Variants in CDC20B observed in about 807,000 individuals in gnomAD.
CDC20B encodes the protein cell division cycle 20B, also known as cell division cycle protein 20 homolog B.
Under a neutral mutation model 64.1 loss-of-function variants are expected in CDC20B, and 58 were observed. The observed-to-expected ratio is 0.90, with a 90% CI of 0.73 to 1.13. CDC20B has a LOEUF of 1.13. CDC20B is among the 50% of genes most tolerant of loss of function. The probability of loss-of-function intolerance (pLI) is 0.00; values close to 1 mark genes in which losing one functional copy is unlikely to be tolerated. For missense variants in CDC20B, 597 were observed against 633.0 expected (o/e 0.94, Z 0.61); for synonymous variants, 243 against 230.6 (o/e 1.05, Z -0.49).
chr5:55,150,169 T>A (rs1743622281), intron 2 of CDC20B, among the ~76,000 whole-genome samples: 1 of 152,178 alleles, frequency 6.6e-6, no homozygotes, highest in East Asian at 1.9e-4. Flanking sequence ...TAAAGGTTTT[T>A]TTAAATATGT....
rs774926432 is a variant in CDC20B, at chr5:55,120,544, C to T, written c.1222G>A (p.Asp408Asn). 2.5e-6 allele frequency: 4 copies of T among 1,613,394 alleles called. No homozygotes were observed. In the African/African-American group the frequency reaches 5.3e-5, roughly 22 times the overall value. The change falls in exon 10 of 12, where the codon GAT becomes AAT. Residue 408 changes from aspartate (D) to asparagine (N), a missense_variant. This residue lies in a region of CDC20B where 353 missense variants were observed against 397.0 expected (regional missense o/e 0.89). Coordinates refer to ENST00000381375, the MANE Select transcript of CDC20B (RefSeq NM_001170402.1). ...ACCCCAGACTGCCAGGGACACCAAT[C>T]CATGGCCTTTAAAGTTTCACATAAT... is the stretch of plus-strand genomic sequence containing the variant. ...ITQSTAVKAM[D>N]WCPWQSGVLA...
At chr5:55,137,635 A>G (rs541487190) in intron 5 of CDC20B, 1 of 456,732 alleles carries the variant, frequency 2.2e-6, no homozygotes, top group East Asian at 7.0e-5. Context: ...CACTAAAGTG[A>G]TCTATGGGAA....
intron 2 of CDC20B, among the ~76,000 whole-genome samples, chr5:55,159,334 C>T (rs190508455): frequency 6.6e-5 from 10 of 152,222 alleles, no homozygotes; most frequent in Non-Finnish European, 1.3e-4. Context: ...TTTCCATCTA[C>T]AGGTTGTAGT....
At chr5:55,137,433 T>C (rs1743210516) in intron 5 of CDC20B, 1 of 416,536 alleles carries the variant, frequency 2.4e-6, no homozygotes, top group Non-Finnish European at 4.8e-6. Context: ...TTGCTTTATA[T>C]ACACAGCATT....
intron 5 of CDC20B, among the ~76,000 whole-genome samples, chr5:55,138,535 A>G (rs1322801495): frequency 6.6e-6 from 1 of 152,164 alleles, no homozygotes; most frequent in Non-Finnish European, 1.5e-5. Flanking sequence ...CCCTAGTACT[A>G]TTTTTAAAAC....
At chr5:55,156,635 T>G (rs545133855) in intron 2 of CDC20B, among the ~76,000 whole-genome samples, 1 of 149,758 alleles carries the variant, frequency 6.7e-6, no homozygotes, top group South Asian at 2.1e-4. Flanking sequence ...CAGCACTTTG[T>G]GAGGCCGAGG....
At chr5:55,172,280 G>T in intron 2 of CDC20B, 1 of 297,188 alleles carries the variant, frequency 3.4e-6, no homozygotes. Context: ...ATGCAACAGA[G>T]AGGAGTGCAA....
chr5:55,160,532 A>G (rs1743992301), intron 2 of CDC20B: 1 of 630,450 alleles, frequency 1.6e-6, no homozygotes, highest in South Asian at 2.0e-5. Flanking sequence ...TTAGTACATC[A>G]CTTTAGTTAT....
At chr5:55,120,009 T>C (rs899737744) in intron 10 of CDC20B, 91 bp from the exon 11 acceptor site, 4 of 901,906 alleles carry the variant, frequency 4.4e-6, no homozygotes, top group Admixed American at 1.9e-5. Context: ...GCACTGTCCA[T>C]GACCCAACCT....
At chr5:55,117,253 T>A (rs1409086798) in intron 11 of CDC20B, among the ~76,000 whole-genome samples, 4 of 151,974 alleles carry the variant, frequency 2.6e-5, no homozygotes, top group African/African-American at 9.7e-5. Context: ...TAACTGAAAT[T>A]TTCCCCCCAA....
At chr5:55,137,945 C>T (rs1001330529) in intron 5 of CDC20B, among the ~76,000 whole-genome samples, 4 of 151,960 alleles carry the variant, frequency 2.6e-5, no homozygotes, top group African/African-American at 9.7e-5. Flanking sequence ...ACAAGGGCTC[C>T]GAGGCACAGA....
intron 5 of CDC20B, among the ~76,000 whole-genome samples, chr5:55,138,491 T>C (rs905779097): frequency 3.3e-5 from 5 of 152,136 alleles, no homozygotes; most frequent in Admixed American, 2.6e-4. Context: ...ACCCTGGTAC[T>C]CTTTAACCTA....
At position 55,146,676 on chromosome 5, in the gene CDC20B, A is replaced by T. The variant is rs937576610; in HGVS notation, c.307T>A (p.Ser103Thr). The change falls in exon 3 of 12, where the codon TCC (serine) becomes ACC (threonine). Residue 103 changes from serine (S) to threonine (T), a missense_variant. Around this residue, in one of 3 missense-constraint regions of CDC20B, gnomAD observed 241 missense variants for 219.2 expected, o/e 1.10. Coordinates refer to ENST00000381375, the MANE Select transcript of CDC20B (RefSeq NM_001170402.1). ...GGCGGTGTCTTCAGCACTGATCCGGAAGCTTCTGGGAGGTAGGTGGTTGAC... is the reference window on the plus strand; with the variant it reads ...GGCGGTGTCTTCAGCACTGATCCGGTAGCTTCTGGGAGGTAGGTGGTTGAC... Reference protein sequence around the residue: ...EQSTTYLPEASGSVLKTPPEK... With the variant: ...EQSTTYLPEATGSVLKTPPEK... 2 of 1,614,112 alleles carry T rather than the reference A, an allele frequency of 1.2e-6. No homozygotes were observed. Among genetic ancestry groups the T allele is most frequent in the Non-Finnish European group, 8.5e-7 (1 of 1,180,032 alleles).
At chr5:55,165,525 A>C (rs1216176235) in intron 2 of CDC20B, 2 of 152,282 alleles carry the variant, frequency 1.3e-5, no homozygotes, top group African/African-American at 4.8e-5. Context: ...TGGCAAATTC[A>C]GTAATGCTAC....
intron 2 of CDC20B, among the ~76,000 whole-genome samples, chr5:55,153,102 G>A (rs1021354546): frequency 1.8e-4 from 27 of 151,986 alleles, no homozygotes; most frequent in Non-Finnish European, 3.5e-4. Context: ...AGCTGGGCAC[G>A]GTGGTGTGTG....
chr5:55,157,368 C>T (rs1185514409), intron 2 of CDC20B, among the ~76,000 whole-genome samples: 6 of 152,154 alleles, frequency 3.9e-5, no homozygotes. Context: ...GTGACAGGGC[C>T]AAAATCTGTG....
intron 2 of CDC20B, among the ~76,000 whole-genome samples, chr5:55,169,422 G>A (rs1393551737): frequency 1.3e-5 from 2 of 152,188 alleles, no homozygotes; most frequent in Non-Finnish European, 2.9e-5. Flanking sequence ...TCCACTGACT[G>A]GCTGCAAATG....
chr5:55,165,397 G>A (rs1048328666), intron 2 of CDC20B: 7 of 152,060 alleles, frequency 4.6e-5, no homozygotes, highest in Admixed American at 2.6e-4. Context: ...ATAGGAAGAT[G>A]GCCAAAAATG....
Position 55,156,194 on chromosome 5 carries a change from C to A in CDC20B, c.127-9338G>T, listed in dbSNP as rs138483465. 2.8e-3 allele frequency among the ~76,000 whole-genome samples: 422 copies of A among 152,188 alleles called. 3 individuals carry two copies. The highest frequency in any genetic ancestry group is 9.5e-3 in the African/African-American group (393 of 41,498). On this transcript the variant is annotated intron_variant, in intron 2 of 11. Coordinates refer to ENST00000381375, the MANE Select transcript of CDC20B (RefSeq NM_001170402.1). ...AGATCTCGTGAGACTTATTCACTACCACAAGAACAGTATAGGGGTAACTAC... is the reference window on the plus strand; with the variant it reads ...AGATCTCGTGAGACTTATTCACTACAACAAGAACAGTATAGGGGTAACTAC...
Sources: gnomAD v4.1 joint callset for allele counts (sites outside exome capture counted in the v4.1 genomes callset) on GRCh38, gnomAD v4.1.1 for gene constraint, gnomAD v4.1.1 regional missense constraint, MANE v1.5 for transcripts, NCBI Gene and HGNC (gene_info 2026-07-23, HGNC 2026-07-21) for gene names.